The following MAGI2 variants were observed in gnomAD, a reference collection of about 807,000 sequenced individuals.
The protein encoded by MAGI2 is membrane-associated guanylate kinase, WW and PDZ domain-containing protein 2.
In MAGI2, 35 loss-of-function variants were observed where a neutral mutation model predicts 133.3. The observed-to-expected ratio is 0.26, with a 90% CI of 0.20 to 0.35. The LOEUF is 0.35. MAGI2 is among the 10% of genes least tolerant of loss of function. The pLI, the probability that MAGI2 is intolerant of heterozygous loss-of-function variation, is 1.00. For missense variants in MAGI2, 1,636 were observed against 1,863.4 expected, an observed-to-expected ratio of 0.88 and a Z score of 2.25; for synonymous variants, 729 against 710.6, an observed-to-expected ratio of 1.03 and a Z score of -0.41.
intron 2 of MAGI2, among the ~76,000 whole-genome samples, chr7:79,004,183 A>G (rs1562775267): frequency 6.6e-6 from 1 of 152,198 alleles, no homozygotes; most frequent in African/African-American, 2.4e-5. Flanking sequence ...ACTATTTACA[A>G]TAGCAAAGAC....
intron 9 of MAGI2, among the ~76,000 whole-genome samples, chr7:78,327,887 A>G (rs548772231): frequency 6.6e-6 from 1 of 152,296 alleles, no homozygotes; most frequent in East Asian, 1.9e-4. Context: ...CCATCTTTGT[A>G]TAACCTCTGC....
At chr7:79,267,155 T>C (rs1473959128) in intron 1 of MAGI2, among the ~76,000 whole-genome samples, 1 of 152,148 alleles carries the variant, frequency 6.6e-6, no homozygotes, top group East Asian at 1.9e-4. Flanking sequence ...TAAGAACCCT[T>C]GCTTGTCAGC....
At chr7:78,380,953 G>C (rs1481187290) in intron 6 of MAGI2, among the ~76,000 whole-genome samples, 1 of 152,060 alleles carries the variant, frequency 6.6e-6, no homozygotes, top group African/African-American at 2.4e-5. Flanking sequence ...CAATTTCTTA[G>C]GAAAATATAA....
intron 1 of MAGI2, among the ~76,000 whole-genome samples, chr7:79,071,950 C>T (rs148631411): frequency 5.5e-4 from 84 of 152,272 alleles, no homozygotes; most frequent in African/African-American, 1.9e-3. Context: ...CTTGTTCTGT[C>T]AGTTGTGAAG....
At chr7:78,228,013 C>T (rs1226522864) in intron 10 of MAGI2, among the ~76,000 whole-genome samples, 1 of 152,190 alleles carries the variant, frequency 6.6e-6, no homozygotes. Context: ...TGCAACTACT[C>T]AACTCTGCCC....
intron 2 of MAGI2, among the ~76,000 whole-genome samples, chr7:78,745,940 A>C (rs1021375099): frequency 2.6e-5 from 4 of 152,142 alleles, no homozygotes; most frequent in Admixed American, 2.0e-4. Context: ...CAGAAAGAAA[A>C]TACTGTCTTG....
intron 21 of MAGI2, among the ~76,000 whole-genome samples, chr7:78,049,494 T>C (rs1271826852): frequency 6.6e-6 from 1 of 152,236 alleles, no homozygotes; most frequent in Non-Finnish European, 1.5e-5. Flanking sequence ...CTCTCAGCCA[T>C]TCTTCCACTG....
rs560389483 is a variant in MAGI2 at position 78,703,386 on chromosome 7, G to T, written c.419-76147C>A. Among the ~76,000 whole-genome samples the T allele has an allele frequency of 2.4e-3, 369 of 152,114 alleles. 1 individual carries two copies. Among genetic ancestry groups the T allele is most frequent in the Non-Finnish European group, 2.8e-3 (191 of 67,932 alleles). ...AACACAAGTAAGAGGGTTAAAGAAA[G>T]AAATTAATATTAATGGTGCAGGTTT... On this transcript the variant is annotated intron_variant, in intron 2 of 21. Coordinates refer to ENST00000354212, the MANE Select transcript of MAGI2 (RefSeq NM_012301.4).
rs1805294937 is a variant in MAGI2 at position 78,986,684 on chromosome 7, G to A, written c.418+20406C>T. Among the ~76,000 whole-genome samples, 4 of 151,906 alleles carry A rather than the reference G, an allele frequency of 2.6e-5. No individual in the cohort carries two copies. The South Asian group carries it at 6.2e-4, about 24-fold the overall frequency. ...TTACAGGCATGAGCTACCATGCCCG[G>A]CCATATAGAGAACCCTAGAGTTGAA... On this transcript the variant is annotated intron_variant, in intron 2 of 21. Coordinates refer to ENST00000354212, the MANE Select transcript of MAGI2 (RefSeq NM_012301.4).
rs57740248 is a variant in MAGI2 at position 79,299,554 on chromosome 7, C to CAAAA, written c.301+153462_301+153465dup. Among the ~76,000 whole-genome samples, 244 of 84,706 alleles carry CAAAA rather than the reference C, an allele frequency of 2.9e-3. 35 individuals are homozygous for CAAAA. Among genetic ancestry groups the CAAAA allele is most frequent in the Middle Eastern group, 0.023 (2 of 88 alleles). 55.6% of individuals were successfully genotyped at this position (84,706 alleles called of 152,430 possible). ...CTGGAGACAGAGCAAGACTCCATCT[C>CAAAA]AAAAAAAAAAAAAAAAAAAGATATC... On this transcript the variant is annotated intron_variant, in intron 1 of 21. Transcript: ENST00000354212.
chr7:78,606,996 G>GC (rs1275785661), intron 3 of MAGI2, among the ~76,000 whole-genome samples: 2 of 152,106 alleles, frequency 1.3e-5, no homozygotes, highest in Non-Finnish European at 2.9e-5. Flanking sequence ...GGCCTGGCAA[G>GC]CCCCTGGATA....
chr7:78,065,639 T>C (rs1232672172), intron 21 of MAGI2: 2 of 699,678 alleles, frequency 2.9e-6, no homozygotes, highest in Non-Finnish European at 5.2e-6. Context: ...TTCATGCACA[T>C]GGAGAGACTG....
chr7:78,293,732 A>T (rs1333999554), intron 9 of MAGI2, among the ~76,000 whole-genome samples: 1 of 152,202 alleles, frequency 6.6e-6, no homozygotes, highest in Non-Finnish European at 1.5e-5. Flanking sequence ...TGGCACATAT[A>T]CACCATGGAA....
chr7:79,342,181 G>T (rs1479883526), intron 1 of MAGI2, among the ~76,000 whole-genome samples: 1 of 152,196 alleles, frequency 6.6e-6, no homozygotes, highest in Non-Finnish European at 1.5e-5. Flanking sequence ...AAGGCAATTT[G>T]ATGGAAACAT....
At chr7:79,000,330 C>T (rs755612740) in intron 2 of MAGI2, 5 of 152,126 alleles carry the variant, frequency 3.3e-5, no homozygotes, top group Admixed American at 1.3e-4. Flanking sequence ...AATAAATGTA[C>T]CTTCATAAAT....
intron 2 of MAGI2, among the ~76,000 whole-genome samples, chr7:78,906,079 A>G (rs146152432): frequency 5.3e-4 from 80 of 152,354 alleles, no homozygotes; most frequent in African/African-American, 1.8e-3. Context: ...AATGACATAC[A>G]TAGGTAGGAA....
chr7:78,283,723 G>C (rs867906082), intron 9 of MAGI2, among the ~76,000 whole-genome samples: 3 of 152,036 alleles, frequency 2.0e-5, no homozygotes, highest in Non-Finnish European at 4.4e-5. Context: ...ATAAAGTAAT[G>C]GATCAGTCAT....
intron 1 of MAGI2, among the ~76,000 whole-genome samples, chr7:79,320,855 G>A (rs540988249): frequency 1.3e-5 from 2 of 152,180 alleles, no homozygotes; most frequent in South Asian, 4.1e-4. Context: ...AGTTACTACA[G>A]ACCCAAGGCA....
chr7:79,255,337 G>A (rs1384716394), intron 1 of MAGI2, among the ~76,000 whole-genome samples: 2 of 152,202 alleles, frequency 1.3e-5, no homozygotes, highest in African/African-American at 2.4e-5. Context: ...TACCATGGGA[G>A]TTGTCAGCTA....
Sources: allele counts gnomAD v4.1 joint callset (sites outside exome capture counted in the v4.1 genomes callset), GRCh38; gene constraint gnomAD v4.1.1; transcripts MANE v1.5; gene names NCBI Gene and HGNC (gene_info 2026-07-23, HGNC 2026-07-21).